The following OR4F6 variants were observed in gnomAD, a reference collection of about 807,000 sequenced individuals.
The protein encoded by OR4F6 is olfactory receptor family 4 subfamily F member 6, also known as olfactory receptor 4F6.
In OR4F6, 13 loss-of-function variants were observed where a neutral mutation model predicts 15.9. The ratio of observed to expected loss-of-function variants is 0.82; its 90% CI spans 0.53 to 1.30. OR4F6 has a LOEUF of 1.30. OR4F6 is among the 50% of genes most tolerant of loss of function. The probability of loss-of-function intolerance (pLI) is 0.00; values close to 1 mark genes in which losing one functional copy is unlikely to be tolerated. For synonymous variants in OR4F6, 150 were observed against 133.8 expected (o/e 1.12, Z -0.83); for missense variants, 426 against 367.2 (o/e 1.16, Z -1.31).
At chr15:101,804,305 T>C (rs1470532813) in intron 1 of OR4F6, among the ~76,000 whole-genome samples, 1 of 152,336 alleles carries the variant, frequency 6.6e-6, no homozygotes, top group East Asian at 1.9e-4. Context: ...TAAAAAACCT[T>C]AGAATTATCA....
intron 1 of OR4F6, among the ~76,000 whole-genome samples, chr15:101,805,296 C>G (rs12900177): frequency 0.28 from 42,122 of 151,902 alleles, 6,855 homozygotes; most frequent in Non-Finnish European, 0.37. Flanking sequence ...GTAAGGGTAT[C>G]AAAGAGGACT....
chr15:101,804,400 C>A (rs891589659), intron 1 of OR4F6, among the ~76,000 whole-genome samples: 3 of 152,164 alleles, frequency 2.0e-5, no homozygotes, highest in Non-Finnish European at 4.4e-5. Flanking sequence ...GCAACCTGAG[C>A]AGAGGACAGA....
At chr15:101,805,586 C>A (rs368769407) in intron 1 of OR4F6, 101 bp from the exon 2 acceptor site, 5 of 654,648 alleles carry the variant, frequency 7.6e-6, no homozygotes, top group East Asian at 2.6e-5. Context: ...CATATATTAG[C>A]CCTTGTCTAG....
chr15:101,805,886 A>C lies in OR4F6; in HGVS notation c.167A>C (p.Gln56Pro), dbSNP rs1902791154. 6.2e-7 allele frequency: 1 copy of C among 1,614,048 alleles called. No individual in the cohort carries two copies. The highest frequency in any genetic ancestry group is 1.3e-5 in the African/African-American group (1 of 74,920). ...ACTGTGACCTCTGACCCTCGTTTAC[A>C]GTCCCCCATGTACTTCCTGCTGGCC... ...VLTVTSDPRL[Q>P]SPMYFLLANL... Residue 56 changes from glutamine to proline, a missense_variant, in exon 2 of 2, where the codon CAG (glutamine) becomes CCG (proline). Physicochemically the swap from Gln to Pro is moderately conservative, Grantham distance 76. Coordinates refer to ENST00000328882, the MANE Select transcript of OR4F6 (RefSeq NM_001005326.2).
chr15:101,804,997 T>C (rs1014624895), intron 1 of OR4F6, among the ~76,000 whole-genome samples: 3 of 152,156 alleles, frequency 2.0e-5, no homozygotes, highest in Admixed American at 2.0e-4. Flanking sequence ...CTTAAATAAA[T>C]TGCTTCAGTA....
rs1285133844 is a variant in OR4F6 at position 101,805,896 on chromosome 15, G to A, written c.177G>A (p.Met59Ile). 2 of 1,614,092 alleles carry A rather than the reference G, an allele frequency of 1.2e-6. No homozygotes were observed. Among genetic ancestry groups the A allele is most frequent in the African/African-American group, 1.3e-5 (1 of 74,992 alleles). ...VTSDPRLQSPMYFLLANLSII... is the reference protein window; with the variant it reads ...VTSDPRLQSPIYFLLANLSII... ...CTGACCCTCGTTTACAGTCCCCCAT[G>A]TACTTCCTGCTGGCCAACCTTTCCA... The change falls in exon 2 of 2, where the codon ATG becomes ATA. Residue 59 changes from methionine to isoleucine, a missense_variant. Physicochemically the swap from Met to Ile is conservative, Grantham distance 10. Transcript: ENST00000328882.
intron 1 of OR4F6, among the ~76,000 whole-genome samples, chr15:101,804,041 C>T (rs1380170011): frequency 1.3e-5 from 2 of 152,212 alleles, no homozygotes; most frequent in African/African-American, 4.8e-5. Context: ...TTAGCCGAGT[C>T]ATTTACCCTC....
chr15:101,805,797 C>A lies in OR4F6; in HGVS notation c.78C>A (p.Leu26=). ...CTGACTCGCGGAAGATCCAGCTCCT[C>A]CTCTTCCTCTTTTTCTCAGTGTTCT... ...GLSDSRKIQL[L]LFLFFSVFYV... Residue 26 remains leucine, a synonymous_variant, in exon 2 of 2, where the codon CTC becomes CTA. Transcript: ENST00000328882. 3.1e-6 allele frequency: 5 copies of A among 1,614,036 alleles called. No homozygotes were observed. The South Asian group carries it at 5.5e-5, about 18-fold the overall frequency.
intron 1 of OR4F6, 132 bp from the exon 2 acceptor site, chr15:101,805,555 G>C (rs1314508869): frequency 5.0e-6 from 3 of 598,720 alleles, no homozygotes; most frequent in Admixed American, 6.0e-5. Flanking sequence ...GTTGCTTTGT[G>C]ACTGAAATTG....
chr15:101,806,776 C>T lies in OR4F6; in HGVS notation c.*118C>T, dbSNP rs1902817003. ...TTTCTACTAGTATGTATTGTGTTGT[C>T]TTTTTTTTCTTCCCAAATTGAATTG... On this transcript the variant is annotated 3_prime_UTR_variant, in exon 2 of 2. Transcript: ENST00000328882. 1 of 565,172 alleles carries T rather than the reference C, an allele frequency of 1.8e-6. No individual in the cohort carries two copies. Among genetic ancestry groups the T allele is most frequent in the East Asian group, 3.0e-5 (1 of 33,202 alleles). The allele number at this position is 565,172 out of a possible 1,614,324, so 35.0% of individuals were successfully genotyped here.
At position 101,806,787 on chromosome 15, in the gene OR4F6, T is replaced by C; in HGVS notation, c.*129T>C. On this transcript the variant is annotated 3_prime_UTR_variant, in exon 2 of 2. Transcript: ENST00000328882. ...ATGTATTGTGTTGTCTTTTTTTTCT[T>C]CCCAAATTGAATTGTGGTATCAATC... is the stretch of plus-strand genomic sequence containing the variant. 1.8e-6 allele frequency: 1 copy of C among 544,796 alleles called. No homozygotes were observed. The highest frequency in any genetic ancestry group is 3.1e-6 in the Non-Finnish European group (1 of 321,826). 33.7% of individuals were successfully genotyped at this position (544,796 alleles called of 1,614,324 possible). A position where few individuals can be genotyped will look rare whatever the true frequency, so the allele number is the denominator to read the frequency against.
chr15:101,805,729 G>A lies in OR4F6; in HGVS notation c.10G>A (p.Ala4Thr), dbSNP rs908839125. Residue 4 changes from alanine to threonine, a missense_variant, in exon 2 of 2, where the codon GCC (alanine) becomes ACC (threonine). Transcript: ENST00000328882. The stretch of plus-strand genomic sequence containing the variant: ...ACAGCCGACAGAGGCAATGGATGAA[G>A]CCAATCACTCTGTGGTCTCTGAGTT... MDE[A>T]NHSVVSEFVF... is the part of the protein sequence containing the mutation. 1.9e-6 allele frequency: 3 copies of A among 1,611,074 alleles called. No individual in the cohort carries two copies. Among genetic ancestry groups the A allele is most frequent in the Admixed American group, 3.3e-5 (2 of 59,946 alleles).
chr15:101,806,373 C>T lies in OR4F6; in HGVS notation c.654C>T (p.Tyr218=), dbSNP rs1902805651. ...CTTTTTTAATTCTCATAATCTCTTA[C>T]ATCTTTATTTTGGTGACTGTTCAGA... ...LASFLILIIS[Y]IFILVTVQKK... The change falls in exon 2 of 2, where the codon TAC becomes TAT. Residue 218 remains tyrosine (Y), a synonymous_variant. Coordinates refer to ENST00000328882, the MANE Select transcript of OR4F6 (RefSeq NM_001005326.2). 1.2e-6 allele frequency: 2 copies of T among 1,613,870 alleles called. No individual in the cohort carries two copies. The highest frequency in any genetic ancestry group is 1.7e-6 in the Non-Finnish European group (2 of 1,179,934).
At position 101,806,006 on chromosome 15, in the gene OR4F6, G is replaced by T; in HGVS notation, c.287G>T (p.Gly96Val). 9 of 1,614,146 alleles carry T rather than the reference G, an allele frequency of 5.6e-6. No individual in the cohort carries two copies. Among genetic ancestry groups the T allele is most frequent in the Non-Finnish European group, 7.6e-6 (9 of 1,180,020 alleles). ...FRKHKTISFG[G>V]CVVQIFFIHA... ...AAGCACAAGACCATCTCTTTTGGGG[G>T]CTGTGTAGTTCAGATCTTCTTTATC... Residue 96 changes from glycine (G) to valine (V), a missense_variant, in exon 2 of 2, where the codon GGC (glycine) becomes GTC (valine). Gly to Val is a moderately radical substitution (Grantham distance 109). Transcript: ENST00000328882.
Position 101,806,664 on chromosome 15 carries a change from T to C in OR4F6, c.*6T>C, listed in dbSNP as rs1253191661. On this transcript the variant is annotated 3_prime_UTR_variant, in exon 2 of 2. Coordinates refer to ENST00000328882, the MANE Select transcript of OR4F6 (RefSeq NM_001005326.2). Reference sequence around the variant, plus strand: ...ATTACAGTAAAATCTTTTAAATATATTGAGAATATACAAAAAGGCAAATTA... The same window carrying C: ...ATTACAGTAAAATCTTTTAAATATACTGAGAATATACAAAAAGGCAAATTA... 6.6e-7 allele frequency: 1 copy of C among 1,509,780 alleles called. No homozygotes were observed. Among genetic ancestry groups the C allele is most frequent in the South Asian group, 1.3e-5 (1 of 77,104 alleles). 93.5% of individuals were successfully genotyped at this position (1,509,780 alleles called of 1,614,324 possible).
At chr15:101,803,956 T>A (rs1197402945) in intron 1 of OR4F6, among the ~76,000 whole-genome samples, 2 of 152,206 alleles carry the variant, frequency 1.3e-5, no homozygotes, top group South Asian at 4.1e-4. Context: ...AAACATGATG[T>A]AGTGGAAATA....
At chr15:101,805,559 G>A in intron 1 of OR4F6, 128 bp from the exon 2 acceptor site, 1 of 602,992 alleles carries the variant, frequency 1.7e-6, no homozygotes, top group Non-Finnish European at 2.9e-6. Flanking sequence ...CTTTGTGACT[G>A]AAATTGTCTC....
Position 101,806,428 on chromosome 15 carries a change from T to C in OR4F6, c.709T>C (p.Phe237Leu), listed in dbSNP as rs1229555645. ...KKSSGGIFKAFSMLSAHVIVV... is the reference protein window; with the variant it reads ...KKSSGGIFKALSMLSAHVIVV... Reference sequence around the variant, plus strand: ...ATCTTCAGGTGGTATATTCAAGGCTTTCTCTATGCTGTCAGCTCATGTCAT... The same window carrying C: ...ATCTTCAGGTGGTATATTCAAGGCTCTCTCTATGCTGTCAGCTCATGTCAT... Residue 237 changes from phenylalanine to leucine, a missense_variant, in exon 2 of 2, where the codon TTC (phenylalanine) becomes CTC (leucine). By Grantham distance (22) the Phe-to-Leu change is conservative. Coordinates refer to ENST00000328882, the MANE Select transcript of OR4F6 (RefSeq NM_001005326.2). 3 of 1,613,362 alleles carry C rather than the reference T, an allele frequency of 1.9e-6. No individual in the cohort carries two copies. The highest frequency in any genetic ancestry group is 2.7e-5 in the African/African-American group (2 of 74,776).
In OR4F6 at chr15:101,806,082, C is replaced by T. The variant is rs543000714; in HGVS notation, c.363C>T (p.Asp121=). The T allele has an allele frequency of 1.7e-4, 267 of 1,614,116 alleles. 1 individual carries two copies. The highest frequency in any genetic ancestry group is 1.3e-3 in the Middle Eastern group (8 of 6,062). The stretch of plus-strand genomic sequence containing the variant: ...TGCTGCTCATAGCCATGGCTTTTGA[C>T]CGATATGTGGCCATATGTAAGCCTC... The part of the protein sequence containing the change: ...EMVLLIAMAF[D]RYVAICKPLH... The change falls in exon 2 of 2, where the codon GAC becomes GAT. Residue 121 remains aspartate (D), a synonymous_variant. Transcript: ENST00000328882.
Sources: allele counts gnomAD v4.1 joint callset (sites outside exome capture counted in the v4.1 genomes callset), GRCh38; gene constraint gnomAD v4.1.1; transcripts MANE v1.5; gene names NCBI Gene and HGNC (gene_info 2026-07-23, HGNC 2026-07-21).